Variants in PPP4R1 observed in about 807,000 individuals in gnomAD.
PPP4R1 encodes serine/threonine-protein phosphatase 4 regulatory subunit 1.
Under a neutral mutation model 111.2 loss-of-function variants are expected in PPP4R1, and 42 were observed. The observed-to-expected ratio is 0.38, with a 90% CI of 0.29 to 0.49. The LOEUF (loss-of-function observed/expected upper bound fraction) is 0.49. PPP4R1 is among the 20% of genes least tolerant of loss of function. PPP4R1 has a pLI of 0.97. For synonymous variants in PPP4R1, 409 were observed against 405.5 expected (o/e 1.01, Z -0.10); for missense variants, 1,012 against 1,161.6 (o/e 0.87, Z 1.87).
In PPP4R1 at chr18:9,563,491, T is replaced by G; in HGVS notation, c.1633A>C (p.Thr545Pro). The G allele has an allele frequency of 6.2e-7, 1 of 1,607,820 alleles. No individual in the cohort carries two copies. Among genetic ancestry groups the G allele is most frequent in the Non-Finnish European group, 8.5e-7 (1 of 1,174,720 alleles). The change falls in exon 12 of 20, where the codon ACC (threonine) becomes CCC (proline). Residue 545 changes from threonine to proline, a missense_variant. Around this residue, in one of 2 missense-constraint regions of PPP4R1, gnomAD observed 707 missense variants for 742.1 expected, o/e 0.95. Transcript: ENST00000400556. ...TCACTTCTCTTTTCTATACTGATGG[T>G]CTCTTCATGTGCATCCAGGCTGGAA... is the stretch of plus-strand genomic sequence containing the variant. ...RASSLDAHEE[T>P]ISIEKRSDLQ...
chr18:9,583,389 CAG>C (rs2067063563), intron 8 of PPP4R1, 114 bp from the exon 9 acceptor site: 1 of 1,124,998 alleles, frequency 8.9e-7, no homozygotes, highest in Non-Finnish European at 1.2e-6. Context: ...TGTTTTGAGA[CAG>C]AGTCTCACTC....
In PPP4R1 at chr18:9,563,183, C is replaced by G. The variant is rs1598902476; in HGVS notation, c.1746+195G>C. On this transcript the variant is annotated intron_variant, in intron 12 of 19. Transcript: ENST00000400556. Reference sequence around the variant, plus strand: ...TAGACAGAAGTGGGATTTACTTTTCCAGGCATTTCATATGACACTAATGTC... The same window carrying G: ...TAGACAGAAGTGGGATTTACTTTTCGAGGCATTTCATATGACACTAATGTC... 4.1e-6 allele frequency: 5 copies of G among 1,207,480 alleles called. No individual in the cohort carries two copies. In the East Asian group the frequency reaches 1.5e-4, roughly 37 times the overall value. 74.8% of individuals were successfully genotyped at this position (1,207,480 alleles called of 1,614,324 possible).
intron 15 of PPP4R1, among the ~76,000 whole-genome samples, chr18:9,556,054 A>G (rs1171044435): frequency 6.6e-6 from 1 of 151,464 alleles, no homozygotes; most frequent in Non-Finnish European, 1.5e-5. Flanking sequence ...CCAGCTACTC[A>G]GGAGGCTGAG....
At chr18:9,549,782 C>CA (rs2066459331) in intron 18 of PPP4R1, 5 of 563,296 alleles carry the variant, frequency 8.9e-6, no homozygotes, top group Non-Finnish European at 1.3e-5. Context: ...AGAACACGCA[C>CA]ATACCAGGCA....
chr18:9,548,792 C>T (rs960019705), intron 19 of PPP4R1, among the ~76,000 whole-genome samples: 2 of 152,148 alleles, frequency 1.3e-5, no homozygotes, highest in African/African-American at 4.8e-5. Context: ...GTGGCGGGCA[C>T]CTGTAATCCC....
At position 9,614,432 on chromosome 18, in the gene PPP4R1, T is replaced by G; in HGVS notation, c.7+46A>C. The G allele has an allele frequency of 1.0e-6, 1 of 1,000,564 alleles. No homozygotes were observed. The highest frequency in any genetic ancestry group is 1.2e-6 in the Non-Finnish European group (1 of 845,208). The allele number at this position is 1,000,564 out of a possible 1,614,324, so 62.0% of individuals were successfully genotyped here. On this transcript the variant is annotated intron_variant, in intron 1 of 19. Transcript: ENST00000400556. This position sits in a 1 kb window ranked among gnomAD's most constrained non-coding sequence, Gnocchi z 4.1. The stretch of plus-strand genomic sequence containing the variant: ...ACTCAGGGCTGCGGCGGAGGGCGGG[T>G]GGGCTCGAGGAGCCGCCGCCGCCCG...
intron 10 of PPP4R1, among the ~76,000 whole-genome samples, chr18:9,575,704 G>A (rs1342970559): frequency 6.6e-6 from 1 of 152,182 alleles, no homozygotes; most frequent in Non-Finnish European, 1.5e-5. Flanking sequence ...GTTGAGGTCA[G>A]TGAAGTTTTA....
Position 9,570,514 on chromosome 18 carries a change from A to C in PPP4R1, c.1216T>G (p.Leu406Val). The change falls in exon 11 of 20, where the codon TTA becomes GTA. Residue 406 changes from leucine (L) to valine (V), a missense_variant. Coordinates refer to ENST00000400556, the MANE Select transcript of PPP4R1 (RefSeq NM_001042388.3). ...GEISVPLDSS[L>V]LCTLSSESHQ... ...GATTCTGAGGACAAAGTACAAAGTAAAGAGCTGTCCAGTGGAACACTAATT... is the reference window on the plus strand; with the variant it reads ...GATTCTGAGGACAAAGTACAAAGTACAGAGCTGTCCAGTGGAACACTAATT... The C allele has an allele frequency of 6.2e-7, 1 of 1,614,220 alleles. No homozygotes were observed. The highest frequency in any genetic ancestry group is 8.5e-7 in the Non-Finnish European group (1 of 1,180,032).
chr18:9,592,525 T>C (rs2067227798), intron 4 of PPP4R1, among the ~76,000 whole-genome samples: 1 of 152,226 alleles, frequency 6.6e-6, no homozygotes. Flanking sequence ...TTGTTCACCT[T>C]AATAACTGCT....
At chr18:9,574,858 G>A (rs1172685422) in intron 10 of PPP4R1, among the ~76,000 whole-genome samples, 1 of 152,206 alleles carries the variant, frequency 6.6e-6, no homozygotes, top group Non-Finnish European at 1.5e-5. Flanking sequence ...AGAGCAGCAA[G>A]TACAAAAACA....
intron 15 of PPP4R1, among the ~76,000 whole-genome samples, chr18:9,556,191 G>A (rs2066580562): frequency 1.3e-5 from 2 of 149,318 alleles, no homozygotes; most frequent in East Asian, 2.1e-4. Context: ...TGGTCTCAAT[G>A]TTTTTGTTTT....
chr18:9,584,461 T>C (rs369621412), intron 8 of PPP4R1, 54 bp downstream of exon 8: 4 of 1,458,840 alleles, frequency 2.7e-6, no homozygotes, highest in East Asian at 2.3e-5. Flanking sequence ...TTTCAAACTT[T>C]ATGTACTACT....
chr18:9,584,945 A>T (rs2067092352), intron 6 of PPP4R1, 117 bp from the exon 7 acceptor site: 1 of 782,504 alleles, frequency 1.3e-6, no homozygotes. Flanking sequence ...GCATCATTAT[A>T]CTATATACAT....
chr18:9,581,371 A>G (rs1459038841), intron 9 of PPP4R1, among the ~76,000 whole-genome samples: 1 of 152,176 alleles, frequency 6.6e-6, no homozygotes, highest in Non-Finnish European at 1.5e-5. Flanking sequence ...TAACATCAAT[A>G]AAGAGAAATT....
At chr18:9,611,917 A>C (rs1246807631) in intron 2 of PPP4R1, among the ~76,000 whole-genome samples, 1 of 152,112 alleles carries the variant, frequency 6.6e-6, no homozygotes, top group Non-Finnish European at 1.5e-5. Context: ...AGGCTGAGGC[A>C]GGAGAATCAC....
chr18:9,600,941 G>T (rs191387053), intron 2 of PPP4R1, among the ~76,000 whole-genome samples: 2 of 152,160 alleles, frequency 1.3e-5, no homozygotes, highest in African/African-American at 4.8e-5. Flanking sequence ...ATAGATCAAA[G>T]ACAAGGAGTA....
chr18:9,588,507 G>A (rs1244889059), intron 5 of PPP4R1, among the ~76,000 whole-genome samples: 1 of 152,188 alleles, frequency 6.6e-6, no homozygotes, highest in Non-Finnish European at 1.5e-5. Context: ...AGGTTACCAA[G>A]TGAGAGTGCA....
Position 9,564,409 on chromosome 18 carries a change from T to C in PPP4R1, c.1574-859A>G, listed in dbSNP as rs2066727046. Among the ~76,000 whole-genome samples, 3 of 152,240 alleles carry C rather than the reference T, an allele frequency of 2.0e-5. 1 individual carries two copies. Among genetic ancestry groups the C allele is most frequent in the Admixed American group, 2.0e-4 (3 of 15,288 alleles). On this transcript the variant is annotated intron_variant, in intron 11 of 19. Coordinates refer to ENST00000400556, the MANE Select transcript of PPP4R1 (RefSeq NM_001042388.3). Reference sequence around the variant, plus strand: ...TGCAGCATTTATAAAATTTCTCATCTAAGTATATTAAGTGCCTGACAACAG... The same window carrying C: ...TGCAGCATTTATAAAATTTCTCATCCAAGTATATTAAGTGCCTGACAACAG...
chr18:9,566,771 C>G (rs1568096590), intron 11 of PPP4R1, among the ~76,000 whole-genome samples: 1 of 152,124 alleles, frequency 6.6e-6, no homozygotes, highest in Non-Finnish European at 1.5e-5. Flanking sequence ...TGTGCTCTGT[C>G]ACTGGAAAAG....
Sources: gnomAD v4.1 joint callset for allele counts (sites outside exome capture counted in the v4.1 genomes callset) on GRCh38, gnomAD v4.1.1 for gene constraint, gnomAD v4.1.1 regional missense constraint, Gnocchi (gnomAD v3.1) non-coding constraint, MANE v1.5 for transcripts, NCBI Gene and HGNC (gene_info 2026-07-23, HGNC 2026-07-21) for gene names.